The following ATP8B1 variants were observed in gnomAD, a reference collection of about 807,000 sequenced individuals.
ATP8B1 encodes ATPase phospholipid transporting 8B1.
Under a neutral mutation model 149.9 loss-of-function variants are expected in ATP8B1, and 80 were observed. The ratio of observed to expected loss-of-function variants is 0.53; its 90% CI spans 0.45 to 0.64. The LOEUF (loss-of-function observed/expected upper bound fraction) is 0.64. ATP8B1 is among the 30% of genes least tolerant of loss of function. The pLI, the probability that ATP8B1 is intolerant of heterozygous loss-of-function variation, is 0.00. For synonymous variants in ATP8B1, 536 were observed against 562.8 expected (o/e 0.95, Z 0.67); for missense variants, 1,247 against 1,552.6 (o/e 0.80, Z 3.31).
intron 1 of ATP8B1, among the ~76,000 whole-genome samples, chr18:57,796,483 GA>G (rs2080516754): frequency 6.6e-6 from 1 of 151,868 alleles, no homozygotes; most frequent in Non-Finnish European, 1.5e-5. Flanking sequence ...GCCTCTAAAT[GA>G]AAAAAACAAA....
chr18:57,714,200 T>TGTGGAAAGGGCAGAATA lies in ATP8B1; in HGVS notation c.182-7630_182-7614dup, dbSNP rs1229033954. On this transcript the variant is annotated intron_variant, in intron 2 of 27. Transcript: ENST00000648908. ...GGACATGGGGAGAGGCCCCTGAGCC[T>TGTGGAAAGGGCAGAATA]GTGGAAAGGGCAGAATAGTGGAAAG... Among the ~76,000 whole-genome samples, 3 of 152,212 alleles carry TGTGGAAAGGGCAGAATA rather than the reference T, an allele frequency of 2.0e-5. No individual in the cohort carries two copies. In the East Asian group the frequency reaches 5.8e-4, roughly 29 times the overall value.
At chr18:57,765,653 A>G (rs1251251873) in intron 1 of ATP8B1, among the ~76,000 whole-genome samples, 1 of 149,014 alleles carries the variant, frequency 6.7e-6, no homozygotes, top group Non-Finnish European at 1.5e-5. Context: ...TGGGTGACAG[A>G]GTGAGACTCT....
At chr18:57,713,215 CCT>C (rs1913801866) in intron 2 of ATP8B1, among the ~76,000 whole-genome samples, 1 of 128,622 alleles carries the variant, frequency 7.8e-6, no homozygotes, top group African/African-American at 3.1e-5. Flanking sequence ...TTCCTTCCTT[CCT>C]TCCTTCCTTC....
chr18:57,747,825 A>G (rs1169743440), intron 1 of ATP8B1, among the ~76,000 whole-genome samples: 1 of 152,210 alleles, frequency 6.6e-6, no homozygotes, highest in Non-Finnish European at 1.5e-5. Context: ...CTTATGCTGT[A>G]TTTCAAGTCA....
chr18:57,660,229 T>C (rs1438765882), intron 22 of ATP8B1, among the ~76,000 whole-genome samples: 1 of 152,184 alleles, frequency 6.6e-6, no homozygotes, highest in Non-Finnish European at 1.5e-5. Context: ...ATGGCAGGAC[T>C]CAATATTTTA....
chr18:57,732,091 G>C (rs867273402), intron 1 of ATP8B1: 3 of 272,944 alleles, frequency 1.1e-5, no homozygotes, highest in South Asian at 1.0e-4. Context: ...ATATATATAT[G>C]TATGTGTATA....
chr18:57,661,799 C>T (rs1284666864), intron 21 of ATP8B1, among the ~76,000 whole-genome samples: 1 of 149,664 alleles, frequency 6.7e-6, no homozygotes, highest in East Asian at 2.0e-4. Flanking sequence ...ACTGTAACCT[C>T]TGCCTTCCAG....
At chr18:57,686,032 G>C (rs1912222274) in intron 13 of ATP8B1, among the ~76,000 whole-genome samples, 1 of 152,176 alleles carries the variant, frequency 6.6e-6, no homozygotes, top group African/African-American at 2.4e-5. Context: ...TGGATCACTT[G>C]AGGTCAGGGG....
At chr18:57,752,408 G>C (rs1043174688) in intron 1 of ATP8B1, among the ~76,000 whole-genome samples, 1 of 152,090 alleles carries the variant, frequency 6.6e-6, no homozygotes, top group Middle Eastern at 3.4e-3. Flanking sequence ...AATATTCTTA[G>C]TAAGCTCCTA....
intron 12 of ATP8B1, among the ~76,000 whole-genome samples, chr18:57,688,883 A>C (rs1183042223): frequency 6.6e-6 from 1 of 152,094 alleles, no homozygotes; most frequent in African/African-American, 2.4e-5. Flanking sequence ...TTGATTTGAG[A>C]CTTCCCAGCC....
intron 19 of ATP8B1, 146 bp downstream of exon 19, chr18:57,668,283 G>A: frequency 7.5e-7 from 1 of 1,335,240 alleles, no homozygotes; most frequent in Non-Finnish European, 1.0e-6. Flanking sequence ...AAAAACAGAG[G>A]AGGGTTTCTC....
At chr18:57,691,332 T>C (rs539177279) in intron 12 of ATP8B1, among the ~76,000 whole-genome samples, 1 of 152,160 alleles carries the variant, frequency 6.6e-6, no homozygotes, top group East Asian at 1.9e-4. Flanking sequence ...GGACAGGGAG[T>C]TTCTTTCCTA....
chr18:57,779,750 A>T (rs1321620720), intron 1 of ATP8B1, among the ~76,000 whole-genome samples: 1 of 152,102 alleles, frequency 6.6e-6, no homozygotes, highest in East Asian at 1.9e-4. Context: ...ACACAAAAAA[A>T]TTAGCTGGGC....
In ATP8B1 at chr18:57,675,035, C is replaced by T. The variant is rs565147146; in HGVS notation, c.1631-13G>A. The T allele has an allele frequency of 2.9e-5, 47 of 1,613,224 alleles. No homozygotes were observed. Among genetic ancestry groups the T allele is most frequent in the African/African-American group, 5.3e-5 (4 of 75,026 alleles). On this transcript the variant is annotated splice_polypyrimidine_tract_variant and intron_variant, in intron 15 of 27. Transcript: ENST00000648908. ...TAGTTGAGCTGACCTAACAAGGAAG[C>T]GAGAGAAATCCCAGAAAAGCTGTAA...
At position 57,706,613 on chromosome 18, in the gene ATP8B1, G is replaced by A. The variant is rs372366458; in HGVS notation, c.182-26C>T. The A allele has an allele frequency of 3.8e-5, 59 of 1,560,392 alleles. No individual in the cohort carries two copies. In the Middle Eastern group the frequency reaches 5.3e-4, roughly 14 times the overall value. On this transcript the variant is annotated intron_variant, in intron 2 of 27. Transcript: ENST00000648908. ...CTTTAAAAAAAAGGGAGAAAAGTTC[G>A]TAAGTAGCAAATTAACATGTTGTTA...
intron 1 of ATP8B1, among the ~76,000 whole-genome samples, chr18:57,770,412 G>A (rs911865095): frequency 6.6e-6 from 1 of 152,222 alleles, no homozygotes; most frequent in Non-Finnish European, 1.5e-5. Flanking sequence ...CACTTGCCTT[G>A]ACAGGCCTGT....
At chr18:57,736,580 C>A (rs2079858196) in intron 1 of ATP8B1, among the ~76,000 whole-genome samples, 1 of 149,894 alleles carries the variant, frequency 6.7e-6, no homozygotes, top group Non-Finnish European at 1.5e-5. Flanking sequence ...CCTACCTCAG[C>A]ATCCCAAGTA....
intron 27 of ATP8B1, among the ~76,000 whole-genome samples, chr18:57,649,543 G>A (rs570773435): frequency 6.6e-6 from 1 of 152,150 alleles, no homozygotes; most frequent in African/African-American, 2.4e-5. Flanking sequence ...GGTTGCCTCA[G>A]TAGCCTCTAC....
chr18:57,672,424 C>T (rs910369836), intron 16 of ATP8B1, among the ~76,000 whole-genome samples: 6 of 152,154 alleles, frequency 3.9e-5, no homozygotes, highest in Admixed American at 1.3e-4. Context: ...ACACAGAAAG[C>T]GTTCAGTAAG....
Sources: gnomAD v4.1 joint callset for allele counts (sites outside exome capture counted in the v4.1 genomes callset) on GRCh38, gnomAD v4.1.1 for gene constraint, MANE v1.5 for transcripts, NCBI Gene and HGNC (gene_info 2026-07-23, HGNC 2026-07-21) for gene names.